Variants in EPHB1 observed in about 807,000 individuals in gnomAD.
The protein encoded by EPHB1 is EPH receptor B1, also known as ephrin type-B receptor 1.
In EPHB1, 30 loss-of-function variants were observed where a neutral mutation model predicts 94.4. The observed-to-expected ratio is 0.32, with a 90% confidence interval of 0.24 to 0.43. The LOEUF (loss-of-function observed/expected upper bound fraction) is 0.43. Ranked by LOEUF, EPHB1 falls within the 20% of genes least tolerant of loss-of-function variation. EPHB1 has a pLI of 1.00. For synonymous variants in EPHB1, 522 were observed against 489.1 expected, an observed-to-expected ratio of 1.07 and a Z score of -0.89; for missense variants, 1,055 against 1,308.3, an observed-to-expected ratio of 0.81 and a Z score of 2.99.
chr3:135,184,943 T>C (rs570741012), intron 10 of EPHB1, among the ~76,000 whole-genome samples: 1 of 152,368 alleles, frequency 6.6e-6, no homozygotes, highest in South Asian at 2.1e-4. Flanking sequence ...ATCAGGGCTC[T>C]ACAGCTTGAA....
intron 3 of EPHB1, among the ~76,000 whole-genome samples, chr3:135,062,064 A>G (rs1192659301): frequency 6.6e-6 from 1 of 152,082 alleles, no homozygotes; most frequent in East Asian, 1.9e-4. Context: ...ACATACATGT[A>G]TTTAGCACAG....
At chr3:135,194,278 C>G (rs755666018) in intron 11 of EPHB1, among the ~76,000 whole-genome samples, 8 of 152,194 alleles carry the variant, frequency 5.3e-5, no homozygotes, top group Non-Finnish European at 7.3e-5. Flanking sequence ...TCAATGTAGT[C>G]CCTACTCCTG....
chr3:135,252,416 C>T (rs1174657304), intron 15 of EPHB1, among the ~76,000 whole-genome samples: 1 of 134,042 alleles, frequency 7.5e-6, no homozygotes, highest in Non-Finnish European at 1.6e-5. Context: ...CTTCCTGTGT[C>T]CATGTGATCT....
At chr3:134,905,127 A>G (rs535311780) in intron 1 of EPHB1, among the ~76,000 whole-genome samples, 7 of 152,298 alleles carry the variant, frequency 4.6e-5, no homozygotes, top group African/African-American at 1.7e-4. Flanking sequence ...TCACTCCCCA[A>G]TAGCTGCATC....
chr3:135,008,079 A>G (rs1293606713), intron 3 of EPHB1, among the ~76,000 whole-genome samples: 1 of 152,190 alleles, frequency 6.6e-6, no homozygotes, highest in Non-Finnish European at 1.5e-5. Context: ...CAGGAAAGCT[A>G]CTATTGGCGC....
intron 5 of EPHB1, among the ~76,000 whole-genome samples, chr3:135,146,698 A>G (rs1486826400): frequency 6.6e-6 from 1 of 152,198 alleles, no homozygotes; most frequent in African/African-American, 2.4e-5. Flanking sequence ...CTCCAAGCCC[A>G]TTTGTATCTA....
At chr3:135,238,081 G>T (rs539657090) in intron 12 of EPHB1, among the ~76,000 whole-genome samples, 705 of 152,268 alleles carry the variant, frequency 4.6e-3, no homozygotes, top group Non-Finnish European at 6.3e-3. Context: ...TATTGATATT[G>T]ATTATATCAA....
At chr3:134,811,242 GTTTTTTTT>G (rs397966930) in intron 1 of EPHB1, among the ~76,000 whole-genome samples, 1 of 73,850 alleles carries the variant, frequency 1.4e-5, no homozygotes, top group Non-Finnish European at 2.7e-5. Context: ...TACTAAGAAG[GTTTTTTTT>G]TTTTTTTTTT....
At chr3:135,096,699 G>A (rs1222717268) in intron 3 of EPHB1, among the ~76,000 whole-genome samples, 3 of 152,220 alleles carry the variant, frequency 2.0e-5, no homozygotes, top group African/African-American at 7.2e-5. Flanking sequence ...TTACAGGGCA[G>A]AAAGAAAGCT....
At position 135,131,036 on chromosome 3, in the gene EPHB1, C is replaced by T. The variant is rs116455124; in HGVS notation, c.962-1678C>T. Among the ~76,000 whole-genome samples the T allele has an allele frequency of 4.1e-3, 624 of 152,258 alleles. 3 individuals are homozygous for T. The highest frequency in any genetic ancestry group is 0.014 in the African/African-American group (586 of 41,530). On this transcript the variant is annotated intron_variant, in intron 4 of 15. Coordinates refer to ENST00000398015, the MANE Select transcript of EPHB1 (RefSeq NM_004441.5). ...AAGGTTGGCCCAGCCCTGTAAGAGC[C>T]TACCTGGGACAGTACTGACTGCCTT...
chr3:135,170,962 G>T (rs1007012260), intron 9 of EPHB1, among the ~76,000 whole-genome samples: 2 of 152,212 alleles, frequency 1.3e-5, no homozygotes, highest in African/African-American at 2.4e-5. Context: ...TTTGGGAAAA[G>T]CACAAACAAA....
chr3:135,018,109 T>A (rs1376413936), intron 3 of EPHB1, among the ~76,000 whole-genome samples: 3 of 151,898 alleles, frequency 2.0e-5, no homozygotes, highest in Admixed American at 6.6e-5. Context: ...GTCTTTGACG[T>A]AAAGGGGAAA....
rs926837822 is a variant in EPHB1 at position 135,132,895 on chromosome 3, C to G, written c.1143C>G (p.Pro381=). 2 of 1,614,052 alleles carry G rather than the reference C, an allele frequency of 1.2e-6. No homozygotes were observed. The highest frequency in any genetic ancestry group is 1.7e-6 in the Non-Finnish European group (2 of 1,179,898). The change falls in exon 5 of 16, where the codon CCC becomes CCG. Residue 381 remains proline, a synonymous_variant. Transcript: ENST00000398015. ...GTGACGACAATGTGGAGTTTGTGCC[C>G]AGGCAGCTGGGCCTGACGGAGTGCC... ...SRCDDNVEFV[P]RQLGLTECRV... is the part of the protein sequence containing the mutation.
chr3:135,054,568 C>A (rs1937294127), intron 3 of EPHB1, among the ~76,000 whole-genome samples: 3 of 152,090 alleles, frequency 2.0e-5, no homozygotes, highest in Admixed American at 2.0e-4. Context: ...AGCCAGCTAA[C>A]CCCCCCATTA....
chr3:134,855,339 A>G (rs915683117), intron 1 of EPHB1, among the ~76,000 whole-genome samples: 1 of 152,208 alleles, frequency 6.6e-6, no homozygotes, highest in Non-Finnish European at 1.5e-5. Flanking sequence ...GAGGCTTTGG[A>G]CTGGGGTGAT....
chr3:135,136,489 T>C (rs564801754), intron 5 of EPHB1, among the ~76,000 whole-genome samples: 1 of 152,360 alleles, frequency 6.6e-6, no homozygotes, highest in South Asian at 2.1e-4. Context: ...GTTTTTGTTT[T>C]TGTTTCTGTT....
chr3:134,960,648 A>G (rs908443834), intron 3 of EPHB1, among the ~76,000 whole-genome samples: 2 of 152,102 alleles, frequency 1.3e-5, no homozygotes, highest in Non-Finnish European at 2.9e-5. Flanking sequence ...TTGTGTATGT[A>G]TGACCAGGGA....
chr3:134,795,548 A>G lies in EPHB1; in HGVS notation c.-84A>G, dbSNP rs901458290. 7 of 1,338,218 alleles carry G rather than the reference A, an allele frequency of 5.2e-6. No homozygotes were observed. The highest frequency in any genetic ancestry group is 4.6e-5 in the African/African-American group (3 of 64,884). The allele number at this position is 1,338,218 out of a possible 1,614,324, so 82.9% of individuals were successfully genotyped here. On this transcript the variant is annotated 5_prime_UTR_variant, in exon 1 of 16. Transcript: ENST00000398015. ...AAGGATACCGAGAAGCCACCCGCGG[A>G]GAGCGCAGCGGCGCCCTGGGACGCG... is the stretch of plus-strand genomic sequence containing the variant.
intron 1 of EPHB1, among the ~76,000 whole-genome samples, chr3:134,910,015 C>T (rs1204011583): frequency 6.6e-6 from 1 of 152,306 alleles, no homozygotes; most frequent in East Asian, 1.9e-4. Context: ...GCCTCCTAGT[C>T]CATTCCCTCC....
Sources: gnomAD v4.1 joint callset for allele counts (sites outside exome capture counted in the v4.1 genomes callset) on GRCh38, gnomAD v4.1.1 for gene constraint, MANE v1.5 for transcripts, NCBI Gene and HGNC (gene_info 2026-07-23, HGNC 2026-07-21) for gene names.